GRAMD2B: variants seen among roughly 807,000 people sequenced by gnomAD.
GRAMD2B encodes the protein GRAM domain containing 2B, also known as GRAM domain-containing protein 2B.
A neutral mutation model predicts 59.2 loss-of-function variants in GRAMD2B; 41 were observed. The observed-to-expected ratio is 0.69, with a 90% CI of 0.54 to 0.90. The LOEUF is 0.90. GRAMD2B is among the 40% of genes least tolerant of loss of function. The pLI, the probability that GRAMD2B is intolerant of heterozygous loss-of-function variation, is 0.00. For missense variants in GRAMD2B, 424 were observed against 500.5 expected (o/e 0.85, Z 1.46); for synonymous variants, 161 against 182.7 (o/e 0.88, Z 0.96).
upstream of GRAMD2B, among the ~76,000 whole-genome samples, chr5:126,366,584 T>G (rs1441396936): frequency 3.9e-5 from 6 of 152,214 alleles, no homozygotes; most frequent in Non-Finnish European, 8.8e-5. Flanking sequence ...TTGAGATAGA[T>G]ATTATTGTTA....
intron 1 of GRAMD2B, among the ~76,000 whole-genome samples, chr5:126,363,591 T>C (rs1439944140): frequency 6.6e-6 from 1 of 152,206 alleles, no homozygotes; most frequent in Non-Finnish European, 1.5e-5. Flanking sequence ...TACAATGTGG[T>C]ATATCCATAC....
intron 1 of GRAMD2B, among the ~76,000 whole-genome samples, chr5:126,432,514 T>C (rs1027938743): frequency 6.6e-6 from 1 of 152,230 alleles, no homozygotes; most frequent in African/African-American, 2.4e-5. Context: ...TATATATCGA[T>C]AGTGATGAAA....
intron 1 of GRAMD2B, among the ~76,000 whole-genome samples, chr5:126,427,263 A>G (rs1272648916): frequency 2.6e-5 from 4 of 151,842 alleles, no homozygotes; most frequent in Admixed American, 1.3e-4. Context: ...CCTCCCCCAA[A>G]CCCCTACCCT....
intron 1 of GRAMD2B, among the ~76,000 whole-genome samples, chr5:126,412,780 A>T (rs886360167): frequency 6.6e-6 from 1 of 152,028 alleles, no homozygotes; most frequent in African/African-American, 2.4e-5. Flanking sequence ...ACTGATTTCA[A>T]TTTCAGAATT....
chr5:126,489,315 C>T (rs1483920884), intron 13 of GRAMD2B, among the ~76,000 whole-genome samples: 1 of 152,170 alleles, frequency 6.6e-6, no homozygotes, highest in Non-Finnish European at 1.5e-5. Flanking sequence ...CATGTAAGTC[C>T]TATTAGAACC....
At chr5:126,382,882 C>T (rs923533527) in intron 1 of GRAMD2B, among the ~76,000 whole-genome samples, 12 of 152,136 alleles carry the variant, frequency 7.9e-5, no homozygotes, top group Admixed American at 6.5e-5. Context: ...TCCCACAGGG[C>T]GATTCCTTGA....
chr5:126,475,227 T>C (rs956540111), intron 5 of GRAMD2B, among the ~76,000 whole-genome samples: 8 of 152,260 alleles, frequency 5.3e-5, no homozygotes, highest in Admixed American at 4.6e-4. Flanking sequence ...TATCACATTC[T>C]GTCTAAGCTC....
chr5:126,370,849 C>G, upstream of GRAMD2B, among the ~76,000 whole-genome samples: 1 of 152,236 alleles, frequency 6.6e-6, no homozygotes, highest in Non-Finnish European at 1.5e-5. Context: ...AATATTGAGA[C>G]TCCCTTGACT....
In GRAMD2B at chr5:126,486,759, A is replaced by C. The variant is rs766852358; in HGVS notation, c.1059-114A>C. Reference sequence around the variant, plus strand: ...GGATGTTTTTAAAATCTTTTTACCAAGTTATTTTGGAAAATACCTTGCCTC... The same window carrying C: ...GGATGTTTTTAAAATCTTTTTACCACGTTATTTTGGAAAATACCTTGCCTC... On this transcript the variant is annotated intron_variant, in intron 11 of 13. Transcript: ENST00000285689. The C allele has an allele frequency of 1.1e-5, 7 of 633,294 alleles. No homozygotes were observed. In the Middle Eastern group the frequency reaches 1.3e-3, roughly 115 times the overall value. The allele number at this position is 633,294 out of a possible 1,614,324, so 39.2% of individuals were successfully genotyped here.
intron 13 of GRAMD2B, 34 bp downstream of exon 13, chr5:126,488,926 C>A: frequency 1.3e-6 from 2 of 1,492,920 alleles, no homozygotes; most frequent in South Asian, 2.3e-5. Context: ...TGGGGGCAGT[C>A]ACAGTAGTGC....
intron 7 of GRAMD2B, 21 bp downstream of exon 7, chr5:126,480,548 C>T: frequency 1.9e-6 from 3 of 1,607,504 alleles, no homozygotes; most frequent in Non-Finnish European, 2.6e-6. Flanking sequence ...TGTCCCTGAG[C>T]CTCAATTACT....
chr5:126,490,401 G>A (rs779117688), intron 13 of GRAMD2B: 1 of 152,192 alleles, frequency 6.6e-6, no homozygotes, highest in Non-Finnish European at 1.5e-5. Context: ...GAAAACAGAA[G>A]AGCTTGTTCA....
At chr5:126,360,871 G>A (rs1206556253) in intron 1 of GRAMD2B, among the ~76,000 whole-genome samples, 1 of 152,122 alleles carries the variant, frequency 6.6e-6, no homozygotes. Flanking sequence ...GGAAAACTAG[G>A]ATTATAAGAT....
intron 1 of GRAMD2B, among the ~76,000 whole-genome samples, chr5:126,408,695 T>TG (rs1273535460): frequency 3.3e-5 from 5 of 151,210 alleles, no homozygotes; most frequent in Admixed American, 3.3e-4. Context: ...GACTCTTTTT[T>TG]TTTTTTGTTA....
chr5:126,479,196 CCTTTTTTATTTTTT>C (rs1447959987), intron 6 of GRAMD2B, among the ~76,000 whole-genome samples: 1 of 151,980 alleles, frequency 6.6e-6, no homozygotes, highest in East Asian at 1.9e-4. Flanking sequence ...TCTCCTTTTT[CCTTTTTTATTTTTT>C]CTTTTTTCAA....
chr5:126,380,736 G>A (rs760689972), intron 1 of GRAMD2B, among the ~76,000 whole-genome samples: 1 of 152,118 alleles, frequency 6.6e-6, no homozygotes, highest in African/African-American at 2.4e-5. Context: ...CTACTGATTT[G>A]TGTACATTAA....
intron 1 of GRAMD2B, among the ~76,000 whole-genome samples, chr5:126,372,958 A>G (rs888878954): frequency 6.6e-6 from 1 of 152,200 alleles, no homozygotes; most frequent in Non-Finnish European, 1.5e-5. Context: ...TACAAAATAC[A>G]TAAAGTATAA....
At chr5:126,371,482 C>T (rs560550777) in exon 1 of GRAMD2B, 105 of 1,289,196 alleles carry the variant, frequency 8.1e-5, no homozygotes, top group Middle Eastern at 4.3e-4. Context: ...CACGGTGTTC[C>T]GGTTTGAGAC....
chr5:126,433,474 G>A (rs1363280285), intron 1 of GRAMD2B: 2 of 152,178 alleles, frequency 1.3e-5, no homozygotes, highest in African/African-American at 4.8e-5. Context: ...TTGTGTGTGT[G>A]TTTTCTAATC....
Sources: gnomAD v4.1 joint callset for allele counts (sites outside exome capture counted in the v4.1 genomes callset) on GRCh38, gnomAD v4.1.1 for gene constraint, MANE v1.5 for transcripts, NCBI Gene and HGNC (gene_info 2026-07-23, HGNC 2026-07-21) for gene names.